DOK6: variants seen among roughly 807,000 people sequenced by gnomAD.
The protein encoded by DOK6 is docking protein 6, also known as downstream of tyrosine kinase 6.
DOK6 carries 22 observed loss-of-function variants against 44.0 expected under a neutral mutation model. The ratio of observed to expected loss-of-function variants is 0.50; its 90% CI spans 0.36 to 0.71. The LOEUF is 0.71. DOK6 is among the 30% of genes least tolerant of loss of function. The pLI is 0.00. For missense variants in DOK6, 340 were observed against 416.4 expected, an observed-to-expected ratio of 0.82 and a Z score of 1.60; for synonymous variants, 166 against 145.5, an observed-to-expected ratio of 1.14 and a Z score of -1.01.
chr18:69,445,928 T>A (rs1334379151), intron 1 of DOK6, among the ~76,000 whole-genome samples: 2 of 152,200 alleles, frequency 1.3e-5, no homozygotes, highest in African/African-American at 4.8e-5. Flanking sequence ...TCCTTATTTA[T>A]ATAAGATCTG....
intron 6 of DOK6, among the ~76,000 whole-genome samples, chr18:69,752,308 A>G (rs1021954851): frequency 6.6e-6 from 1 of 152,210 alleles, no homozygotes; most frequent in Non-Finnish European, 1.5e-5. Flanking sequence ...TGAACACCAA[A>G]TAACCTTAGG....
chr18:69,794,163 C>A (rs753121332), intron 7 of DOK6, among the ~76,000 whole-genome samples: 12 of 152,088 alleles, frequency 7.9e-5, no homozygotes, highest in Non-Finnish European at 1.8e-4. Context: ...TTGGATCCTG[C>A]CTACTTTCCA....
chr18:69,749,320 A>C (rs1979090800), intron 6 of DOK6, among the ~76,000 whole-genome samples: 1 of 152,348 alleles, frequency 6.6e-6, no homozygotes. Context: ...ACATTTAAAA[A>C]AATGAAGGAA....
intron 7 of DOK6, among the ~76,000 whole-genome samples, chr18:69,798,681 T>A (rs1231963517): frequency 6.6e-6 from 1 of 151,922 alleles, no homozygotes; most frequent in Non-Finnish European, 1.5e-5. Context: ...TTCTGTTTTA[T>A]GTTATTTTTA....
chr18:69,669,631 C>G (rs11151526), intron 3 of DOK6, among the ~76,000 whole-genome samples: 52,448 of 151,900 alleles, frequency 0.35, 10,218 homozygotes, highest in East Asian at 0.71. Context: ...TCTAATCTTT[C>G]TGGTGGTTGC....
At chr18:69,408,910 A>G (rs1404413223) in intron 1 of DOK6, among the ~76,000 whole-genome samples, 2 of 152,198 alleles carry the variant, frequency 1.3e-5, no homozygotes. Context: ...TAAGTTGCCT[A>G]TATGCCACTC....
At chr18:69,739,546 T>C (rs1368128336) in intron 6 of DOK6, among the ~76,000 whole-genome samples, 1 of 152,236 alleles carries the variant, frequency 6.6e-6, no homozygotes, top group African/African-American at 2.4e-5. Flanking sequence ...CCTGTATGTA[T>C]AATAAAATGT....
At chr18:69,592,800 T>A (rs922007187) in intron 2 of DOK6, among the ~76,000 whole-genome samples, 9 of 152,194 alleles carry the variant, frequency 5.9e-5, no homozygotes, top group Non-Finnish European at 1.2e-4. Flanking sequence ...GATGCAATAA[T>A]TTACCGATAT....
chr18:69,731,136 A>T (rs1978386354), intron 5 of DOK6, among the ~76,000 whole-genome samples: 1 of 152,164 alleles, frequency 6.6e-6, no homozygotes, highest in Admixed American at 6.5e-5. Context: ...CTGTCAACTG[A>T]AAATCTCTAG....
At chr18:69,484,268 C>G (rs1980511583) in intron 1 of DOK6, among the ~76,000 whole-genome samples, 1 of 150,600 alleles carries the variant, frequency 6.6e-6, no homozygotes, top group Non-Finnish European at 1.5e-5. Context: ...CTTTAAAAGA[C>G]TCAATGCTTT....
chr18:69,660,153 C>A (rs1394271583), intron 3 of DOK6: 1 of 152,042 alleles, frequency 6.6e-6, no homozygotes, highest in African/African-American at 2.4e-5. Flanking sequence ...AGGGCCCCGA[C>A]TTTCTTCCTG....
intron 3 of DOK6, among the ~76,000 whole-genome samples, chr18:69,625,155 AG>A (rs1371023308): frequency 6.6e-6 from 1 of 152,180 alleles, no homozygotes; most frequent in Admixed American, 6.5e-5. Context: ...TTAAAAGGCT[AG>A]AAAGCAATGC....
At chr18:69,606,079 C>T (rs9973145) in intron 3 of DOK6, among the ~76,000 whole-genome samples, 1 of 151,942 alleles carries the variant, frequency 6.6e-6, no homozygotes, top group African/African-American at 2.4e-5. Flanking sequence ...CAGGATCATC[C>T]CAGGCAACAT....
intron 1 of DOK6, among the ~76,000 whole-genome samples, chr18:69,462,259 C>T (rs1442257301): frequency 1.3e-5 from 2 of 152,032 alleles, no homozygotes; most frequent in South Asian, 2.1e-4. Context: ...TAACCATGTG[C>T]TTTCAAAATC....
At chr18:69,627,250 T>C (rs1196430240) in intron 3 of DOK6, among the ~76,000 whole-genome samples, 1 of 152,176 alleles carries the variant, frequency 6.6e-6, no homozygotes, top group Admixed American at 6.5e-5. Flanking sequence ...AAATGCCTTC[T>C]TCAGGTGCAG....
At chr18:69,403,867 A>G (rs774113997) in intron 1 of DOK6, among the ~76,000 whole-genome samples, 8 of 152,224 alleles carry the variant, frequency 5.3e-5, no homozygotes, top group Non-Finnish European at 1.0e-4. Context: ...TTTGCTTTGC[A>G]TAGTTAATAA....
chr18:69,788,274 G>T (rs72951551), intron 7 of DOK6, among the ~76,000 whole-genome samples: 3,766 of 152,272 alleles, frequency 0.025, 57 homozygotes, highest in Middle Eastern at 0.051. Flanking sequence ...GAACTGGCAC[G>T]TTACTAGTTG....
intron 6 of DOK6, among the ~76,000 whole-genome samples, chr18:69,755,912 C>T (rs567301021): frequency 6.6e-6 from 1 of 152,320 alleles, no homozygotes; most frequent in African/African-American, 2.4e-5. Context: ...GGGTCCCCCA[C>T]CAGCCAGCTC....
chr18:69,630,697 C>T (rs557312122), intron 3 of DOK6, among the ~76,000 whole-genome samples: 1 of 152,246 alleles, frequency 6.6e-6, no homozygotes, highest in South Asian at 2.1e-4. Context: ...ATTTTCAAAG[C>T]CCCAGGCATT....
Sources: allele counts gnomAD v4.1 joint callset (sites outside exome capture counted in the v4.1 genomes callset), GRCh38; gene constraint gnomAD v4.1.1; transcripts MANE v1.5; gene names NCBI Gene and HGNC (gene_info 2026-07-23, HGNC 2026-07-21).